The following TCOF1 variants were observed in gnomAD, a reference collection of about 807,000 sequenced individuals.
The protein encoded by TCOF1 is treacle ribosome biogenesis factor 1, also known as treacle protein.
Under a neutral mutation model 149.0 loss-of-function variants are expected in TCOF1, and 33 were observed. That is an observed-to-expected ratio of 0.22 (90% confidence interval 0.17 to 0.30). The LOEUF is 0.30. Among genes scored for constraint, TCOF1 ranks in the 10% least tolerant of loss-of-function variants. The pLI is 1.00. For missense variants in TCOF1, 1,728 were observed against 1,840.7 expected (o/e 0.94, Z 1.12); for synonymous variants, 789 against 738.8 (o/e 1.07, Z -1.10).
At position 150,375,929 on chromosome 5, in the gene TCOF1, G is replaced by A; in HGVS notation, c.1893+20G>A. On this transcript the variant is annotated intron_variant, in intron 12 of 26. Transcript: ENST00000643257. ...GCTCAGGTGAGGCCTGGGGAAGGAG[G>A]CTGCTACATGGCCTGATCTGCCACA... The A allele has an allele frequency of 6.2e-7, 1 of 1,614,138 alleles. No individual in the cohort carries two copies. Among genetic ancestry groups the A allele is most frequent in the Non-Finnish European group, 8.5e-7 (1 of 1,180,040 alleles).
intron 21 of TCOF1, 21 bp from the exon 22 acceptor site, chr5:150,392,684 C>T (rs750355501): frequency 1.2e-6 from 2 of 1,613,520 alleles, no homozygotes; most frequent in Middle Eastern, 1.7e-4. Context: ...GGGCTACCAA[C>T]AGGATACTGT....
chr5:150,358,985 A>G (rs1364445216), intron 1 of TCOF1, among the ~76,000 whole-genome samples: 1 of 152,166 alleles, frequency 6.6e-6, no homozygotes, highest in Non-Finnish European at 1.5e-5. Context: ...AGTATGAGCC[A>G]TGATCATGCC....
chr5:150,398,923 T>G, intron 25 of TCOF1, 99 bp from the exon 26 acceptor site: 1 of 1,558,168 alleles, frequency 6.4e-7, no homozygotes, highest in East Asian at 2.2e-5. Context: ...AGACCCAGTA[T>G]CTATTCTAGG....
chr5:150,398,517 C>G, intron 25 of TCOF1, 66 bp downstream of exon 25: 1 of 1,609,876 alleles, frequency 6.2e-7, no homozygotes, highest in Non-Finnish European at 8.5e-7. Context: ...TCCTACACAC[C>G]CAGACCTGGT....
At chr5:150,391,729 A>G in intron 20 of TCOF1, 72 bp downstream of exon 20, 1 of 1,415,058 alleles carries the variant, frequency 7.1e-7, no homozygotes, top group Non-Finnish European at 9.8e-7. Context: ...GCATCGCGGC[A>G]CCAGCACTCA....
At chr5:150,383,226 G>A in intron 17 of TCOF1, 2 of 1,470,518 alleles carry the variant, frequency 1.4e-6, no homozygotes, top group Non-Finnish European at 9.1e-7. Flanking sequence ...GGGCTGGCAG[G>A]CCTTGCAGGA....
At chr5:150,374,906 C>G (rs1161639353) in intron 9 of TCOF1, 48 bp from the exon 10 acceptor site, 1 of 1,613,818 alleles carries the variant, frequency 6.2e-7, no homozygotes, top group Non-Finnish European at 8.5e-7. Context: ...CTCCTGTCTC[C>G]ACACGTCCAC....
chr5:150,392,853 C>T (rs1465210979), intron 22 of TCOF1, 63 bp downstream of exon 22: 8 of 1,573,770 alleles, frequency 5.1e-6, no homozygotes, highest in African/African-American at 1.3e-5. Flanking sequence ...GGCCAGGCTC[C>T]TGTCTACCCG....
rs114990396 is a variant in TCOF1 at position 150,399,320 on chromosome 5, A to G, written c.*22+250A>G. On this transcript the variant is annotated intron_variant, in intron 26 of 26. Coordinates refer to ENST00000643257, the MANE Select transcript of TCOF1 (RefSeq NM_001371623.1). ...GTGCACCTGGGTGCAGGGGTTGTGC[A>G]TGCTTTAGGGGGTGTGCCCTGGGAT... 7.6e-3 allele frequency among the ~76,000 whole-genome samples: 1,161 copies of G among 152,314 alleles called. 14 individuals are homozygous for G. The highest frequency in any genetic ancestry group is 0.026 in the African/African-American group (1,085 of 41,582).
At position 150,375,744 on chromosome 5, in the gene TCOF1, C is replaced by G. The variant is rs758345631; in HGVS notation, c.1728C>G (p.Leu576=). The G allele has an allele frequency of 1.2e-6, 2 of 1,614,272 alleles. No homozygotes were observed. The highest frequency in any genetic ancestry group is 2.2e-5 in the South Asian group (2 of 91,090). ...PAQEKSLGNI[L]QAKPTSSPAK... is the part of the protein sequence containing the mutation. ...AGGAAAAGTCCTTGGGGAACATCCTCCAGGCCAAACCCACCTCCAGTCCTG... is the reference window on the plus strand; with the variant it reads ...AGGAAAAGTCCTTGGGGAACATCCTGCAGGCCAAACCCACCTCCAGTCCTG... Residue 576 remains leucine, a synonymous_variant, in exon 12 of 27, where the codon CTC becomes CTG. Coordinates refer to ENST00000643257, the MANE Select transcript of TCOF1 (RefSeq NM_001371623.1).
rs369855802 is a variant in TCOF1, at chr5:150,375,401, G to C, written c.1551G>C (p.Leu517Phe). ...KPASTMGMGP[L>F]GKGAGPVPPG... is the part of the protein sequence containing the mutation. Reference sequence around the variant, plus strand: ...CCTCTACCATGGGCATGGGGCCCTTGGGGAAAGGCGCCGGCCCAGTGCCAC... The same window carrying C: ...CCTCTACCATGGGCATGGGGCCCTTCGGGAAAGGCGCCGGCCCAGTGCCAC... Residue 517 changes from leucine (L) to phenylalanine (F), a missense_variant, in exon 11 of 27, where the codon TTG (leucine) becomes TTC (phenylalanine). By Grantham distance (22) the Leu-to-Phe change is conservative. Coordinates refer to ENST00000643257, the MANE Select transcript of TCOF1 (RefSeq NM_001371623.1). 1.9e-6 allele frequency: 3 copies of C among 1,612,636 alleles called. No individual in the cohort carries two copies. Among genetic ancestry groups the C allele is most frequent in the Non-Finnish European group, 2.5e-6 (3 of 1,179,756 alleles).
At chr5:150,398,933 G>C in intron 25 of TCOF1, 89 bp from the exon 26 acceptor site, 3 of 1,585,250 alleles carry the variant, frequency 1.9e-6, no homozygotes, top group Non-Finnish European at 2.6e-6. Context: ...TCTATTCTAG[G>C]GGAATTCACT....
intron 17 of TCOF1, chr5:150,383,003 C>T: frequency 7.3e-7 from 1 of 1,363,808 alleles, no homozygotes; most frequent in Non-Finnish European, 9.9e-7. Context: ...CTGGCTGTTT[C>T]CCCCTCAGCA....
chr5:150,357,890 C>T, intron 1 of TCOF1, 36 bp downstream of exon 1: 1 of 1,542,018 alleles, frequency 6.5e-7, no homozygotes, highest in Non-Finnish European at 8.8e-7. Context: ...GGGCCGCGTG[C>T]AAGATGTGGA....
chr5:150,398,474 C>T, intron 25 of TCOF1, 23 bp downstream of exon 25: 1 of 1,613,986 alleles, frequency 6.2e-7, no homozygotes, highest in Non-Finnish European at 8.5e-7. Context: ...TGGGGTGTCT[C>T]AGGCCAGAAA....
Position 150,376,596 on chromosome 5 carries a change from G to T in TCOF1, c.2316G>T (p.Glu772Asp), listed in dbSNP as rs374027769. The T allele has an allele frequency of 4.6e-5, 72 of 1,574,858 alleles. No individual in the cohort carries two copies. Among genetic ancestry groups the T allele is most frequent in the Non-Finnish European group, 6.1e-5 (71 of 1,160,350 alleles). Reference protein sequence around the residue: ...SESSEEESDSEEAAASPAQVK... With the variant: ...SESSEEESDSDEAAASPAQVK... ...GCAGTGAGGAGGAATCAGACAGTGAGGAAGCAGCTGCATCTCCAGCACAGG... is the reference window on the plus strand; with the variant it reads ...GCAGTGAGGAGGAATCAGACAGTGATGAAGCAGCTGCATCTCCAGCACAGG... Residue 772 changes from glutamate to aspartate, a missense_variant, in exon 14 of 27, where the codon GAG becomes GAT. Glu to Asp is a conservative substitution (Grantham distance 45). This residue lies in a region of TCOF1 where 1,696 missense variants were observed against 1,765.4 expected (regional missense o/e 0.96). Coordinates refer to ENST00000643257, the MANE Select transcript of TCOF1 (RefSeq NM_001371623.1).
At chr5:150,380,169 T>C (rs2569060) in intron 17 of TCOF1, 218,574 of 218,992 alleles carry the variant, frequency 1, 109,079 homozygotes, top group Middle Eastern at 1. Flanking sequence ...AAGGCTCCAG[T>C]TCCACCATGC....
intron 18 of TCOF1, among the ~76,000 whole-genome samples, chr5:150,389,081 A>G (rs577322908): frequency 6.6e-5 from 10 of 152,330 alleles, no homozygotes; most frequent in East Asian, 3.9e-4. Flanking sequence ...ATCTCTACCT[A>G]TCTACCTACC....
chr5:150,373,423 G>GGAAGCCCACCCTCAGCCTCA (rs1762985741), intron 7 of TCOF1, among the ~76,000 whole-genome samples: 1 of 152,232 alleles, frequency 6.6e-6, no homozygotes, highest in Non-Finnish European at 1.5e-5. Flanking sequence ...CAAGACCTGT[G>GGAAGCCCACCCTCAGCCTCA]TGGAGCAGCC....
Sources: allele counts gnomAD v4.1 joint callset (sites outside exome capture counted in the v4.1 genomes callset), GRCh38; gene constraint gnomAD v4.1.1; regional missense constraint gnomAD v4.1.1; transcripts MANE v1.5; gene names NCBI Gene and HGNC (gene_info 2026-07-23, HGNC 2026-07-21).